Variants in GLG1 observed in about 807,000 individuals in gnomAD.
GLG1 encodes Golgi apparatus protein 1.
In GLG1, 38 loss-of-function variants were observed where a neutral mutation model predicts 160.5. The ratio of observed to expected loss-of-function variants is 0.24; its 90% CI spans 0.18 to 0.31. The LOEUF (loss-of-function observed/expected upper bound fraction) is 0.31, where lower values mean the gene tolerates loss of function less well. GLG1 is among the 10% of genes least tolerant of loss of function. GLG1 has a pLI of 1.00. For synonymous variants in GLG1, 644 were observed against 543.4 expected, an observed-to-expected ratio of 1.19 and a Z score of -2.57; for missense variants, 1,373 against 1,505.2, an observed-to-expected ratio of 0.91 and a Z score of 1.45.
At chr16:74,467,972 C>G (rs903587545) in intron 17 of GLG1, 124 bp from the exon 18 acceptor site, 2 of 609,920 alleles carry the variant, frequency 3.3e-6, no homozygotes, top group African/African-American at 3.7e-5. Flanking sequence ...GCAAAGTCGC[C>G]TTGCAGCAAG....
Position 74,492,988 on chromosome 16 carries a change from C to G in GLG1, c.1203G>C (p.Leu401Phe). 2 of 1,612,916 alleles carry G rather than the reference C, an allele frequency of 1.2e-6. No individual in the cohort carries two copies. The highest frequency in any genetic ancestry group is 8.5e-7 in the Non-Finnish European group (1 of 1,179,482). Residue 401 changes from leucine (L) to phenylalanine (F), a missense_variant, in exon 7 of 26, where the codon TTG becomes TTC. Physicochemically the swap from Leu to Phe is conservative, Grantham distance 22 (BLOSUM62 0). Around this residue, in one of 4 missense-constraint regions of GLG1, gnomAD observed 386 missense variants for 388.5 expected, o/e 0.99. Coordinates refer to ENST00000422840, the MANE Select transcript of GLG1 (RefSeq NM_001145667.2). ...GTACAGCTGACTCCAGGCACATTAACAAGTAGGAGAGCCTGGCTTCACGCG... is the reference window on the plus strand; with the variant it reads ...GTACAGCTGACTCCAGGCACATTAAGAAGTAGGAGAGCCTGGCTTCACGCG... ...PRSREARLSY[L>F]LMCLESAVHR...
intron 1 of GLG1, among the ~76,000 whole-genome samples, chr16:74,597,655 C>T (rs767787109): frequency 6.6e-5 from 10 of 151,788 alleles, no homozygotes; most frequent in Non-Finnish European, 1.2e-4. Context: ...AGATTGAGAC[C>T]ATCCTGACTA....
intron 2 of GLG1, among the ~76,000 whole-genome samples, chr16:74,509,729 G>A (rs1277796231): frequency 1.3e-5 from 2 of 151,636 alleles, no homozygotes; most frequent in South Asian, 2.1e-4. Context: ...GGCGCCTGCA[G>A]TCCCAGCTAC....
intron 13 of GLG1, among the ~76,000 whole-genome samples, chr16:74,473,698 CA>C (rs1292410089): frequency 6.6e-6 from 1 of 152,006 alleles, no homozygotes; most frequent in Non-Finnish European, 1.5e-5. Context: ...CCTCGCCTCC[CA>C]AAGTGCTGGG....
At chr16:74,511,471 G>C (rs574262337) in intron 2 of GLG1, among the ~76,000 whole-genome samples, 4 of 151,808 alleles carry the variant, frequency 2.6e-5, no homozygotes, top group African/African-American at 9.7e-5. Context: ...GGCTAACATG[G>C]GGAAACCCGG....
intron 1 of GLG1, among the ~76,000 whole-genome samples, chr16:74,585,524 G>A (rs1413744000): frequency 6.6e-6 from 1 of 151,240 alleles, no homozygotes; most frequent in Non-Finnish European, 1.5e-5. Context: ...GGCTAACAGG[G>A]TGAAACCTCG....
chr16:74,570,505 T>C (rs1234810577), intron 1 of GLG1, among the ~76,000 whole-genome samples: 2 of 115,526 alleles, frequency 1.7e-5, no homozygotes, highest in African/African-American at 7.3e-5. Flanking sequence ...CCTAAAATTC[T>C]ATACTGTGAT....
chr16:74,535,865 T>C (rs1323798474), intron 1 of GLG1, among the ~76,000 whole-genome samples: 8 of 152,132 alleles, frequency 5.3e-5, no homozygotes, highest in Non-Finnish European at 1.2e-4. Flanking sequence ...TTAAGCATAA[T>C]TGTGACAATT....
Position 74,606,775 on chromosome 16 carries a change from C to A in GLG1, c.320G>T (p.Gly107Val). 1 of 1,611,076 alleles carries A rather than the reference C, an allele frequency of 6.2e-7. No homozygotes were observed. Among genetic ancestry groups the A allele is most frequent in the Non-Finnish European group, 8.5e-7 (1 of 1,178,650 alleles). ...TTCCTCCGCCAGCTTCCAGCCCCCA[C>A]CAGCCCCCGCTCCTCCCCGCCGGGC... Reference protein sequence around the residue: ...PPARRGGAGAGGGWKLAEEES... With the variant: ...PPARRGGAGAVGGWKLAEEES... Residue 107 changes from glycine to valine, a missense_variant, in exon 1 of 26, where the codon GGT becomes GTT. Around this residue, in one of 4 missense-constraint regions of GLG1, gnomAD observed 322 missense variants for 254.6 expected, o/e 1.26. Transcript: ENST00000422840.
Position 74,452,041 on chromosome 16 carries a change from G to C in GLG1, c.*1126C>G. The C allele has an allele frequency of 1.3e-6, 2 of 1,590,786 alleles. No individual in the cohort carries two copies. Among genetic ancestry groups the C allele is most frequent in the East Asian group, 2.2e-5 (1 of 44,786 alleles). Reference sequence around the variant, plus strand: ...GGAGCTTGTCTGGGAAGTTTGTCTGGAGTGTGCAGAAAGGTCAGGCTGGAC... The same window carrying C: ...GGAGCTTGTCTGGGAAGTTTGTCTGCAGTGTGCAGAAAGGTCAGGCTGGAC... On this transcript the variant is annotated 3_prime_UTR_variant, in exon 26 of 26. Coordinates refer to ENST00000422840, the MANE Select transcript of GLG1 (RefSeq NM_001145667.2).
intron 2 of GLG1, among the ~76,000 whole-genome samples, chr16:74,523,113 T>A (rs1376409890): frequency 2.6e-5 from 4 of 152,244 alleles, no homozygotes; most frequent in African/African-American, 9.6e-5. Flanking sequence ...TAGGTGTATA[T>A]ATTTATGGAG....
At chr16:74,578,851 T>G (rs938969880) in intron 1 of GLG1, among the ~76,000 whole-genome samples, 3 of 152,224 alleles carry the variant, frequency 2.0e-5, no homozygotes, top group African/African-American at 7.2e-5. Context: ...ATAAGGTTTT[T>G]GAAATAACTT....
intron 11 of GLG1, 99 bp downstream of exon 11, chr16:74,480,142 A>G (rs1008659420): frequency 4.0e-6 from 4 of 1,007,710 alleles, no homozygotes; most frequent in African/African-American, 3.2e-5. Context: ...AATAGTCTAA[A>G]AAGTTTTCCT....
intron 1 of GLG1, among the ~76,000 whole-genome samples, chr16:74,563,857 C>A (rs2018576116): frequency 6.6e-6 from 1 of 152,178 alleles, no homozygotes; most frequent in Admixed American, 6.5e-5. Context: ...TAAAGGTCTA[C>A]TGGATAACAG....
At chr16:74,527,410 C>A (rs960036393) in intron 2 of GLG1, among the ~76,000 whole-genome samples, 2 of 151,776 alleles carry the variant, frequency 1.3e-5, no homozygotes, top group African/African-American at 4.8e-5. Context: ...CCACCACACC[C>A]AACTAATTTT....
At position 74,452,094 on chromosome 16, in the gene GLG1, A is replaced by C; in HGVS notation, c.*1073T>G. 1 of 1,614,120 alleles carries C rather than the reference A, an allele frequency of 6.2e-7. No individual in the cohort carries two copies. The highest frequency in any genetic ancestry group is 8.5e-7 in the Non-Finnish European group (1 of 1,179,958). ...CCTGTCACATCCTGAGACCACACTA[A>C]ACCTTTATAAGCCATTGTCTCTGAC... is the stretch of plus-strand genomic sequence containing the variant. On this transcript the variant is annotated 3_prime_UTR_variant, in exon 26 of 26. Transcript: ENST00000422840.
At chr16:74,589,084 G>GAAC (rs886932048) in intron 1 of GLG1, among the ~76,000 whole-genome samples, 7 of 151,502 alleles carry the variant, frequency 4.6e-5, no homozygotes, top group Non-Finnish European at 8.8e-5. Flanking sequence ...TCTACAAAAA[G>GAAC]AACAACAACA....
chr16:74,569,616 CT>C (rs1276838121), intron 1 of GLG1, among the ~76,000 whole-genome samples: 1 of 152,144 alleles, frequency 6.6e-6, no homozygotes, highest in Non-Finnish European at 1.5e-5. Context: ...AATCCCAGCA[CT>C]TTGGGAGGCC....
chr16:74,589,699 C>T lies in GLG1; in HGVS notation c.438+16958G>A, dbSNP rs527326602. The stretch of plus-strand genomic sequence containing the variant: ...AAGAGGAAGGGAAACACAACAATGT[C>T]TTCTGACTTCTGCTTTCAGTGCTCT... On this transcript the variant is annotated intron_variant, in intron 1 of 25. Transcript: ENST00000422840. Among the ~76,000 whole-genome samples, 4 of 152,278 alleles carry T rather than the reference C, an allele frequency of 2.6e-5. No homozygotes were observed. In the South Asian group the frequency reaches 8.3e-4, roughly 32 times the overall value.
Sources: gnomAD v4.1 joint callset for allele counts (sites outside exome capture counted in the v4.1 genomes callset) on GRCh38, gnomAD v4.1.1 for gene constraint, gnomAD v4.1.1 regional missense constraint, MANE v1.5 for transcripts, NCBI Gene and HGNC (gene_info 2026-07-23, HGNC 2026-07-21) for gene names.